CCDC102B: variants seen among roughly 807,000 people sequenced by gnomAD.
CCDC102B encodes coiled-coil domain containing 102B, also known as coiled-coil domain-containing protein 102B.
A neutral mutation model predicts 57.4 loss-of-function variants in CCDC102B; 75 were observed. The ratio of observed to expected loss-of-function variants is 1.31; its 90% CI spans 1.08 to 1.58. The LOEUF (loss-of-function observed/expected upper bound fraction) is 1.58, where lower values mean the gene tolerates loss of function less well. CCDC102B is among the 40% of genes most tolerant of loss of function. The pLI, the probability that CCDC102B is intolerant of heterozygous loss-of-function variation, is 0.00. For synonymous variants in CCDC102B, 206 were observed against 201.9 expected (o/e 1.02, Z -0.17); for missense variants, 636 against 582.6 (o/e 1.09, Z -0.94).
intron 7 of CCDC102B, among the ~76,000 whole-genome samples, chr18:69,011,684 GT>G (rs60345326): frequency 2.0e-5 from 3 of 148,808 alleles, no homozygotes; most frequent in Admixed American, 6.7e-5. Flanking sequence ...TTTGTTTTTT[GT>G]TTTTTTTTAA....
At chr18:69,036,808 T>A (rs1835207270) in intron 7 of CCDC102B, among the ~76,000 whole-genome samples, 1 of 152,044 alleles carries the variant, frequency 6.6e-6, no homozygotes, top group Non-Finnish European at 1.5e-5. Context: ...AATATGGTGT[T>A]TGGCCTAAGC....
intron 2 of CCDC102B, among the ~76,000 whole-genome samples, chr18:68,789,862 G>A (rs543724076): frequency 0.013 from 1,915 of 151,810 alleles, 28 homozygotes; most frequent in Non-Finnish European, 0.017. Context: ...GCTTTGTTCC[G>A]TTGCTGGTGA....
chr18:68,797,322 C>T (rs1477383734), upstream of CCDC102B, among the ~76,000 whole-genome samples: 4 of 152,072 alleles, frequency 2.6e-5, no homozygotes, highest in Non-Finnish European at 5.9e-5. Flanking sequence ...TTAAAAGGAG[C>T]AAGGCTATCC....
intron 6 of CCDC102B, among the ~76,000 whole-genome samples, chr18:69,004,726 C>A (rs142888643): frequency 2.0e-5 from 3 of 152,174 alleles, no homozygotes; most frequent in African/African-American, 7.2e-5. Context: ...CTACTGGATT[C>A]TAAGCTTTAC....
At chr18:68,724,810 C>G (rs2032517217) in intron 2 of CCDC102B, among the ~76,000 whole-genome samples, 1 of 152,180 alleles carries the variant, frequency 6.6e-6, no homozygotes, top group Admixed American at 6.5e-5. Context: ...TTGTTCCAAC[C>G]TCTGCCTGTT....
At chr18:68,781,789 T>G (rs761355367) in intron 2 of CCDC102B, among the ~76,000 whole-genome samples, 123 of 152,160 alleles carry the variant, frequency 8.1e-4, no homozygotes, top group Non-Finnish European at 1.5e-3. Context: ...GATTGGGTTA[T>G]AAGTATTTAA....
chr18:68,835,979 C>A (rs911413167), intron 1 of CCDC102B, among the ~76,000 whole-genome samples: 6 of 152,168 alleles, frequency 3.9e-5, no homozygotes, highest in Non-Finnish European at 7.3e-5. Flanking sequence ...AAAATGTAGA[C>A]TATGATTCAA....
At chr18:68,923,269 C>T (rs1171274284) in intron 6 of CCDC102B, among the ~76,000 whole-genome samples, 4 of 151,438 alleles carry the variant, frequency 2.6e-5, no homozygotes, top group Admixed American at 2.6e-4. Context: ...AATATAGGTA[C>T]TTAGTGTGTA....
rs1405928160 is a variant in CCDC102B at position 69,011,027 on chromosome 18, C to G, written c.1357C>G (p.Gln453Glu). Residue 453 changes from glutamine (Q) to glutamate (E), a missense_variant, in exon 7 of 8, where the codon CAA becomes GAA. Gln to Glu is a conservative substitution (Grantham distance 29, BLOSUM62 2). Coordinates refer to ENST00000360242, the MANE Select transcript of CCDC102B (RefSeq NM_024781.3). ...GACTCATGCAAACAACCGAGTGGAT[C>G]AAAATGAAGCAGAAGTAAAGAAACT... ...ELTHANNRVD[Q>E]NEAEVKKLRL... is the part of the protein sequence containing the mutation. The G allele has an allele frequency of 3.1e-6, 5 of 1,613,634 alleles. No individual in the cohort carries two copies. The highest frequency in any genetic ancestry group is 2.2e-5 in the East Asian group (1 of 44,842).
chr18:68,810,671 C>CTTTGTTTGTTTTT (rs1568263108), intron 1 of CCDC102B, among the ~76,000 whole-genome samples: 4 of 70,070 alleles, frequency 5.7e-5, no homozygotes, highest in East Asian at 3.7e-4. Flanking sequence ...ATTTTCTTTT[C>CTTTGTTTGTTTTT]TTTTCTTTGT....
chr18:69,036,664 T>A (rs1319983897), intron 7 of CCDC102B, among the ~76,000 whole-genome samples: 2 of 151,986 alleles, frequency 1.3e-5, no homozygotes, highest in Admixed American at 6.6e-5. Flanking sequence ...CATGCATGAA[T>A]AAAATGAATA....
chr18:68,739,353 A>G (rs766428806), intron 2 of CCDC102B, among the ~76,000 whole-genome samples: 1 of 152,166 alleles, frequency 6.6e-6, no homozygotes, highest in Non-Finnish European at 1.5e-5. Context: ...TCACTGTTTC[A>G]TGAACAAAGC....
intron 4 of CCDC102B, chr18:68,866,759 G>T (rs550230162): frequency 7.8e-6 from 5 of 641,166 alleles, no homozygotes; most frequent in African/African-American, 5.4e-5. Flanking sequence ...TTGAGTGCAC[G>T]GGTCTGTCTT....
chr18:68,884,489 CA>C (rs1195474337), intron 5 of CCDC102B, among the ~76,000 whole-genome samples: 1 of 151,278 alleles, frequency 6.6e-6, no homozygotes, highest in Non-Finnish European at 1.5e-5. Context: ...AGATAGAGAA[CA>C]AAAAAGTGGG....
At chr18:68,823,161 G>A (rs901290037) in intron 1 of CCDC102B, among the ~76,000 whole-genome samples, 2 of 152,194 alleles carry the variant, frequency 1.3e-5, no homozygotes, top group African/African-American at 4.8e-5. Flanking sequence ...CATTCGCATA[G>A]GTTGTAACCA....
At chr18:69,014,742 G>A (rs2051615431) in intron 7 of CCDC102B, among the ~76,000 whole-genome samples, 1 of 151,694 alleles carries the variant, frequency 6.6e-6, no homozygotes. Context: ...TTTATTTGAA[G>A]GGAAAAAATA....
chr18:68,920,521 A>G (rs1479363063), intron 6 of CCDC102B, among the ~76,000 whole-genome samples: 1 of 152,130 alleles, frequency 6.6e-6, no homozygotes, highest in East Asian at 1.9e-4. Context: ...AATTGGACTT[A>G]TAGCTCCATA....
chr18:68,742,450 T>C (rs1196768194), intron 2 of CCDC102B, among the ~76,000 whole-genome samples: 1 of 152,240 alleles, frequency 6.6e-6, no homozygotes, highest in Non-Finnish European at 1.5e-5. Flanking sequence ...GGTTAGGATG[T>C]CAGCATATAT....
At chr18:69,030,290 C>G (rs2052103876) in intron 7 of CCDC102B, among the ~76,000 whole-genome samples, 1 of 152,096 alleles carries the variant, frequency 6.6e-6, no homozygotes, top group Admixed American at 6.5e-5. Context: ...TCTTTTTTCT[C>G]TAATATTTAG....
Sources: allele counts gnomAD v4.1 joint callset (sites outside exome capture counted in the v4.1 genomes callset), GRCh38; gene constraint gnomAD v4.1.1; transcripts MANE v1.5; gene names NCBI Gene and HGNC (gene_info 2026-07-23, HGNC 2026-07-21).